SPRED1: variants seen among roughly 807,000 people sequenced by gnomAD.
SPRED1 encodes sprouty related EVH1 domain containing 1.
A neutral mutation model predicts 52.3 loss-of-function variants in SPRED1; 18 were observed. That is an observed-to-expected ratio of 0.34 (90% CI 0.24 to 0.51). The LOEUF (loss-of-function observed/expected upper bound fraction) is 0.51, where lower values mean the gene tolerates loss of function less well. SPRED1 is among the 20% of genes least tolerant of loss of function. SPRED1 has a pLI of 0.97. For synonymous variants in SPRED1, 155 were observed against 179.7 expected (o/e 0.86, Z 1.10); for missense variants, 485 against 551.0 (o/e 0.88, Z 1.20).
At chr15:38,346,164 C>G (rs534713243) in intron 5 of SPRED1, among the ~76,000 whole-genome samples, 38 of 152,114 alleles carry the variant, frequency 2.5e-4, no homozygotes, top group Admixed American at 9.2e-4. Context: ...TAGCAAGATT[C>G]CATCTCATAT....
chr15:38,266,284 A>G (rs1450067326), intron 1 of SPRED1, among the ~76,000 whole-genome samples: 1 of 152,170 alleles, frequency 6.6e-6, no homozygotes, highest in African/African-American at 2.4e-5. Context: ...AGGTTATTGG[A>G]TCCAAAAATC....
intron 1 of SPRED1, 70 bp from the exon 2 acceptor site, chr15:38,299,303 A>G (rs769323362): frequency 6.5e-7 from 1 of 1,545,466 alleles, no homozygotes; most frequent in Non-Finnish European, 8.9e-7. Context: ...TGGTTTCTCA[A>G]ACAAGACTGA....
intron 2 of SPRED1, among the ~76,000 whole-genome samples, chr15:38,312,214 A>G (rs1461373984): frequency 2.6e-5 from 4 of 152,104 alleles, no homozygotes; most frequent in Admixed American, 6.5e-5. Flanking sequence ...CAATTGGTTC[A>G]TAAGGTTCGT....
At chr15:38,319,623 C>T (rs1013621887) in intron 2 of SPRED1, among the ~76,000 whole-genome samples, 48 of 152,176 alleles carry the variant, frequency 3.2e-4, no homozygotes, top group African/African-American at 1.2e-3. Flanking sequence ...GTTGATCCAC[C>T]CGCCTCAGCC....
At chr15:38,253,713 C>A (rs1894032757) in intron 1 of SPRED1, among the ~76,000 whole-genome samples, 2 of 152,100 alleles carry the variant, frequency 1.3e-5, no homozygotes, top group African/African-American at 4.8e-5. Context: ...TCTCCCCCCT[C>A]CCCCTTTTAA....
In SPRED1 at chr15:38,252,927, C is replaced by A. The variant is rs1467690082; in HGVS notation, c.-259C>A. On this transcript the variant is annotated 5_prime_UTR_variant, in exon 1 of 7. Transcript: ENST00000299084. ...CCCTTTCCACCGGGCCTCCTCGGAT[C>A]CCTTGGCTGGGCACTGAGGCGGGGG... is the stretch of plus-strand genomic sequence containing the variant. 6.9e-6 allele frequency: 4 copies of A among 580,950 alleles called. No individual in the cohort carries two copies. The highest frequency in any genetic ancestry group is 1.2e-5 in the Non-Finnish European group (4 of 325,996). The allele number at this position is 580,950 out of a possible 1,614,324, so 36.0% of individuals were successfully genotyped here.
intron 5 of SPRED1, among the ~76,000 whole-genome samples, chr15:38,344,778 A>G (rs779946436): frequency 3.9e-5 from 6 of 152,336 alleles, no homozygotes; most frequent in Admixed American, 3.9e-4. Flanking sequence ...AAATAGAACA[A>G]TAATACTCGT....
chr15:38,261,998 C>CT (rs35445689), intron 1 of SPRED1, among the ~76,000 whole-genome samples: 7,623 of 135,614 alleles, frequency 0.056, 655 homozygotes, highest in African/African-American at 0.18. Context: ...TCACCAAACT[C>CT]TTTTTTTTTT....
Position 38,351,523 on chromosome 15 carries a change from C to A in SPRED1, c.1194C>A (p.Asp398Glu). 6.2e-7 allele frequency: 1 copy of A among 1,614,126 alleles called. No homozygotes were observed. The change falls in exon 7 of 7, where the codon GAC becomes GAA. Residue 398 changes from aspartate (D) to glutamate (E), a missense_variant. Around this residue, in one of 5 missense-constraint regions of SPRED1, gnomAD observed 205 missense variants for 245.2 expected, o/e 0.84. Transcript: ENST00000299084. The part of the protein sequence containing the change: ...SDPCSCDTSD[D>E]KFCLRWLALV... ...CCTGTTCGTGTGACACTAGCGACGA[C>A]AAGTTCTGCTTGCGATGGTTAGCCC...
intron 1 of SPRED1, among the ~76,000 whole-genome samples, chr15:38,268,972 G>A (rs527571471): frequency 2.2e-5 from 3 of 139,410 alleles, no homozygotes; most frequent in East Asian, 4.2e-4. Context: ...ACAGAGTCCC[G>A]CTCCGTCGCC....
intron 1 of SPRED1, among the ~76,000 whole-genome samples, chr15:38,292,525 A>C (rs1894944535): frequency 6.6e-6 from 1 of 152,206 alleles, no homozygotes; most frequent in Non-Finnish European, 1.5e-5. Flanking sequence ...GAGGCCTCAG[A>C]ATCATGGTGG....
intron 1 of SPRED1, among the ~76,000 whole-genome samples, chr15:38,261,683 A>T (rs1053853649): frequency 1.3e-5 from 2 of 152,040 alleles, no homozygotes; most frequent in Admixed American, 6.6e-5. Context: ...ACGCCTTTCT[A>T]ACAGGAGTTA....
intron 2 of SPRED1, 127 bp downstream of exon 2, chr15:38,299,674 G>A (rs1566859866): frequency 5.1e-6 from 5 of 985,770 alleles, no homozygotes; most frequent in Non-Finnish European, 7.7e-6. Flanking sequence ...AGCTGTTTCT[G>A]TGTTAAAGGC....
At chr15:38,298,041 C>T (rs1895074451) in intron 1 of SPRED1, among the ~76,000 whole-genome samples, 1 of 151,884 alleles carries the variant, frequency 6.6e-6, no homozygotes, top group South Asian at 2.1e-4. Flanking sequence ...ATAATAAAGA[C>T]AATATAATAA....
At chr15:38,312,129 A>G (rs534825373) in intron 2 of SPRED1, among the ~76,000 whole-genome samples, 3 of 152,254 alleles carry the variant, frequency 2.0e-5, no homozygotes, top group East Asian at 1.9e-4. Context: ...AAGGTTGAAT[A>G]TCTCCAACTG....
chr15:38,302,223 A>G (rs1312033412), intron 2 of SPRED1, among the ~76,000 whole-genome samples: 2 of 152,162 alleles, frequency 1.3e-5, no homozygotes, highest in African/African-American at 2.4e-5. Flanking sequence ...GAGTGTTTGT[A>G]AGTCAGAATA....
intron 4 of SPRED1, among the ~76,000 whole-genome samples, chr15:38,334,472 G>A (rs1895868935): frequency 6.6e-6 from 1 of 151,936 alleles, no homozygotes; most frequent in African/African-American, 2.4e-5. Context: ...TAACTCCTTG[G>A]AGAGAGAACC....
At chr15:38,254,183 C>T (rs1232630946) in intron 1 of SPRED1, among the ~76,000 whole-genome samples, 1 of 152,112 alleles carries the variant, frequency 6.6e-6, no homozygotes, top group Non-Finnish European at 1.5e-5. Flanking sequence ...TGTTTATCTT[C>T]GGAGGGTTGG....
intron 5 of SPRED1, among the ~76,000 whole-genome samples, chr15:38,343,063 G>A (rs1196651417): frequency 6.6e-6 from 1 of 152,092 alleles, no homozygotes; most frequent in African/African-American, 2.4e-5. Flanking sequence ...AGAAAAGGAT[G>A]TCTCAGAAGC....
Sources: gnomAD v4.1 joint callset for allele counts (sites outside exome capture counted in the v4.1 genomes callset) on GRCh38, gnomAD v4.1.1 for gene constraint, gnomAD v4.1.1 regional missense constraint, MANE v1.5 for transcripts, NCBI Gene and HGNC (gene_info 2026-07-23, HGNC 2026-07-21) for gene names.